MYO16: variants seen among roughly 807,000 people sequenced by gnomAD.
MYO16 encodes unconventional myosin-XVI.
Under a neutral mutation model 205.3 loss-of-function variants are expected in MYO16, and 94 were observed. That is an observed-to-expected ratio of 0.46 (90% CI 0.39 to 0.54). MYO16 has a LOEUF of 0.54. Among genes scored for constraint, MYO16 ranks in the 20% least tolerant of loss-of-function variants. The pLI is 0.00. For missense variants in MYO16, 2,315 were observed against 2,387.5 expected (o/e 0.97, Z 0.63); for synonymous variants, 988 against 954.0 (o/e 1.04, Z -0.66).
chr13:108,889,479 GT>G (rs1880058364), intron 14 of MYO16, among the ~76,000 whole-genome samples: 1 of 152,176 alleles, frequency 6.6e-6, no homozygotes, highest in Non-Finnish European at 1.5e-5. Context: ...TAAAAGGTTT[GT>G]TCAGACCATA....
rs1264904072 is a variant in MYO16 at position 108,665,877 on chromosome 13, T to C, written c.29-9T>C. On this transcript the variant is annotated splice_polypyrimidine_tract_variant and intron_variant, in intron 1 of 34. Transcript: ENST00000457511. ...AGGTCTGGTGACGCTCCCCTTGCAT[T>C]TCTTCCAGGTTGCTTTCAGCTATGT... 1 of 1,611,572 alleles carries C rather than the reference T, an allele frequency of 6.2e-7. No individual in the cohort carries two copies. The highest frequency in any genetic ancestry group is 1.7e-5 in the Admixed American group (1 of 59,804).
intron 34 of MYO16, among the ~76,000 whole-genome samples, chr13:109,194,312 A>T (rs939258108): frequency 1.3e-5 from 2 of 152,188 alleles, no homozygotes; most frequent in Non-Finnish European, 2.9e-5. Context: ...TAATTAATAC[A>T]TATAAAAACT....
intron 23 of MYO16, among the ~76,000 whole-genome samples, chr13:109,043,177 A>G (rs1223462746): frequency 6.6e-6 from 1 of 152,224 alleles, no homozygotes; most frequent in Non-Finnish European, 1.5e-5. Flanking sequence ...AAAACTTGCT[A>G]TCCATTTCAC....
At chr13:108,686,292 G>C (rs1887122) in intron 2 of MYO16, among the ~76,000 whole-genome samples, 45,032 of 152,138 alleles carry the variant, frequency 0.3, 6,785 homozygotes, top group Middle Eastern at 0.4. Flanking sequence ...GGGCCACTCA[G>C]ACTTTTTGCT....
intron 32 of MYO16, among the ~76,000 whole-genome samples, 195 bp from the exon 33 acceptor site, chr13:109,164,706 T>C (rs972826481): frequency 7.9e-5 from 12 of 152,202 alleles, no homozygotes; most frequent in African/African-American, 2.7e-4. Flanking sequence ...CACTTGACAT[T>C]TTCCTTTTTG....
At chr13:108,867,652 T>C (rs535985295) in intron 12 of MYO16, among the ~76,000 whole-genome samples, 4 of 152,350 alleles carry the variant, frequency 2.6e-5, no homozygotes, top group African/African-American at 7.2e-5. Context: ...CTAATTAATA[T>C]TTCTGTGAAT....
chr13:109,134,728 C>T, intron 31 of MYO16, among the ~76,000 whole-genome samples: 1 of 152,156 alleles, frequency 6.6e-6, no homozygotes, highest in East Asian at 1.9e-4. Flanking sequence ...TTTCAGGGAG[C>T]CAGTTTTGGG....
At chr13:108,847,851 AT>A (rs1877601663) in intron 10 of MYO16, among the ~76,000 whole-genome samples, 1 of 150,486 alleles carries the variant, frequency 6.6e-6, no homozygotes, top group Non-Finnish European at 1.5e-5. Flanking sequence ...GGGTTTTTTC[AT>A]TTTTTTCTTG....
chr13:109,024,080 TTATA>T (rs1183525762), intron 23 of MYO16, among the ~76,000 whole-genome samples: 8 of 146,990 alleles, frequency 5.4e-5, no homozygotes, highest in Non-Finnish European at 9.0e-5. Context: ...AAATATAAAT[TTATA>T]TACATAAACT....
At chr13:109,204,565 A>G (rs548719268) in intron 34 of MYO16, among the ~76,000 whole-genome samples, 92 of 152,340 alleles carry the variant, frequency 6.0e-4, no homozygotes, top group South Asian at 2.3e-3. Context: ...TCTGATCCTT[A>G]GCCTGTATCA....
the MYO16 span, among the ~76,000 whole-genome samples, chr13:108,558,984 ATT>A: frequency 6.8e-6 from 1 of 146,528 alleles, no homozygotes; most frequent in Non-Finnish European, 1.5e-5. Flanking sequence ...TGAGATGTTG[ATT>A]TTTTTTTTTT....
intron 2 of MYO16, among the ~76,000 whole-genome samples, chr13:108,687,664 C>T (rs1882731337): frequency 6.6e-6 from 1 of 152,070 alleles, no homozygotes. Context: ...CGCACTTAAC[C>T]CACAATAGAA....
chr13:108,992,345 C>T, intron 20 of MYO16, 31 bp from the exon 21 acceptor site: 1 of 1,517,692 alleles, frequency 6.6e-7, no homozygotes, highest in Non-Finnish European at 9.1e-7. Flanking sequence ...TTAAGGATGC[C>T]CATTTATCCT....
chr13:108,508,559 G>A, the MYO16 span, among the ~76,000 whole-genome samples: 1 of 152,082 alleles, frequency 6.6e-6, no homozygotes, highest in East Asian at 1.9e-4. Context: ...TCTAAATCAG[G>A]TTGAAGAGAA....
intron 16 of MYO16, among the ~76,000 whole-genome samples, chr13:108,918,965 A>C (rs1223953572): frequency 1.8e-5 from 2 of 109,930 alleles, no homozygotes; most frequent in African/African-American, 7.2e-5. Context: ...AAAAAAAAAA[A>C]AAAAAACTTA....
intron 3 of MYO16, among the ~76,000 whole-genome samples, chr13:108,724,444 A>G (rs1478198235): frequency 1.3e-5 from 2 of 152,188 alleles, no homozygotes; most frequent in African/African-American, 4.8e-5. Context: ...TTTGTTATCC[A>G]GTCTAATACT....
At chr13:108,964,952 C>T in intron 20 of MYO16, 50 bp downstream of exon 20, 1 of 1,557,436 alleles carries the variant, frequency 6.4e-7, no homozygotes, top group Non-Finnish European at 8.7e-7. Flanking sequence ...TAATAAATAA[C>T]TTAAAGGCTC....
Position 109,140,397 on chromosome 13 carries a change from C to A in MYO16, c.4185C>A (p.Asp1395Glu). ...AGATATCGGGGTCCCGGCCCGGGGA[C>A]GCGAGGCCCGCGGGCGCCCCGGGGG... ...YEEISGSRPG[D>E]ARPAGAPGAA... The change falls in exon 32 of 35, where the codon GAC becomes GAA. Residue 1395 changes from aspartate (D) to glutamate (E), a missense_variant. Asp to Glu is a conservative substitution (Grantham distance 45). Coordinates refer to ENST00000457511, the MANE Select transcript of MYO16 (RefSeq NM_001198950.3). The surrounding 1 kb of genome is among the most constrained non-coding windows in gnomAD (Gnocchi z 8.0). 6.3e-7 allele frequency: 1 copy of A among 1,591,224 alleles called. No individual in the cohort carries two copies. The highest frequency in any genetic ancestry group is 1.7e-5 in the Admixed American group (1 of 58,554).
At chr13:108,544,370 T>C in the MYO16 span, among the ~76,000 whole-genome samples, 3 of 152,186 alleles carry the variant, frequency 2.0e-5, no homozygotes, top group Non-Finnish European at 4.4e-5. Flanking sequence ...TTCACTAATT[T>C]GTTTAACTTT....
Sources: gnomAD v4.1 joint callset for allele counts (sites outside exome capture counted in the v4.1 genomes callset) on GRCh38, gnomAD v4.1.1 for gene constraint, Gnocchi (gnomAD v3.1) non-coding constraint, MANE v1.5 for transcripts, NCBI Gene and HGNC (gene_info 2026-07-23, HGNC 2026-07-21) for gene names.